Variants in CPT1B observed in about 807,000 individuals in gnomAD.
The protein encoded by CPT1B is carnitine O-palmitoyltransferase 1, muscle isoform.
A neutral mutation model predicts 92.7 loss-of-function variants in CPT1B; 57 were observed. The observed-to-expected ratio is 0.62, with a 90% confidence interval of 0.50 to 0.77. The LOEUF is 0.77. Among genes scored for constraint, CPT1B ranks in the 30% least tolerant of loss-of-function variants. CPT1B has a pLI of 0.00. For synonymous variants in CPT1B, 398 were observed against 383.5 expected (o/e 1.04, Z -0.44); for missense variants, 983 against 1,017.4 (o/e 0.97, Z 0.46).
rs1373616911 is a variant in CPT1B at position 50,576,575 on chromosome 22, G to C, written c.522C>G (p.Pro174=). ...CTGACACCCTGGGCACAGGAAGCTT[G>C]GGCAGAGATGTCTGGAAGCTGTAGA... ...PMLYSFQTSL[P]KLPVPRVSAT... is the part of the protein sequence containing the mutation. The change falls in exon 5 of 20, where the codon CCC becomes CCG. Residue 174 remains proline, a synonymous_variant. Coordinates refer to ENST00000312108, the MANE Select transcript of CPT1B (RefSeq NM_152246.3). The C allele has an allele frequency of 2.5e-6, 4 of 1,607,930 alleles. No individual in the cohort carries two copies. The East Asian group carries it at 6.7e-5, about 27-fold the overall frequency.
chr22:50,571,956 C>G, intron 13 of CPT1B, 50 bp downstream of exon 13: 1 of 1,544,358 alleles, frequency 6.5e-7, no homozygotes, highest in Non-Finnish European at 8.9e-7. Context: ...GGGGCTGTAC[C>G]CACCTGCTGC....
At position 50,572,049 on chromosome 22, in the gene CPT1B, G is replaced by A. The variant is rs368305362; in HGVS notation, c.1532C>T (p.Ala511Val). ...CTGCAGCCGTGTAGGAGGTGCGAGCGCAGGGTTCGGTTTGCCCAGGCAGTG... is the reference window on the plus strand; with the variant it reads ...CTGCAGCCGTGTAGGAGGTGCGAGCACAGGGTTCGGTTTGCCCAGGCAGTG... ...TGHCLGKPNP[A>V]LAPPTRLQWD... The change falls in exon 13 of 20, where the codon GCG becomes GTG. Residue 511 changes from alanine to valine, a missense_variant. Ala to Val is a moderately conservative substitution (Grantham distance 64, BLOSUM62 0). Coordinates refer to ENST00000312108, the MANE Select transcript of CPT1B (RefSeq NM_152246.3). The A allele has an allele frequency of 2.1e-5, 34 of 1,613,992 alleles. No individual in the cohort carries two copies. The highest frequency in any genetic ancestry group is 5.3e-5 in the African/African-American group (4 of 74,926).
intron 2 of CPT1B, 28 bp downstream of exon 2, chr22:50,577,747 A>G (rs2070523097): frequency 6.2e-7 from 1 of 1,606,374 alleles, no homozygotes; most frequent in African/African-American, 1.3e-5. Flanking sequence ...GCCTCTGCCT[A>G]CGCTCTGGGA....
chr22:50,573,602 T>G lies in CPT1B; in HGVS notation c.1084A>C (p.Met362Leu), dbSNP rs2070291330. Residue 362 changes from methionine to leucine, a missense_variant, in exon 10 of 20, where the codon ATG becomes CTG. Physicochemically the swap from Met to Leu is conservative, Grantham distance 15. Coordinates refer to ENST00000312108, the MANE Select transcript of CPT1B (RefSeq NM_152246.3). This position sits in a 1 kb window ranked among gnomAD's most constrained non-coding sequence, Gnocchi z 5.0. ...TCGTCCAGGATCCTCTGGAACTGCA[T>G]CTCCAGATCCTGAGGCTTGAGCAGA... is the stretch of plus-strand genomic sequence containing the variant. ...ARLLKPQDLEMQFQRILDDPS... is the reference protein window; with the variant it reads ...ARLLKPQDLELQFQRILDDPS... The G allele has an allele frequency of 1.2e-6, 2 of 1,613,464 alleles. No individual in the cohort carries two copies. The highest frequency in any genetic ancestry group is 1.7e-6 in the Non-Finnish European group (2 of 1,179,936).
In CPT1B at chr22:50,573,297, G is replaced by A. The variant is rs1052210863; in HGVS notation, c.1166+223C>T. ...GCCAGGCTGGGCCTGGAGGTGGGGG[G>A]TGCCAAGCTATTTTGGAGGGTGTCC... On this transcript the variant is annotated intron_variant, in intron 10 of 19. Coordinates refer to ENST00000312108, the MANE Select transcript of CPT1B (RefSeq NM_152246.3). The surrounding 1 kb of genome is among the most constrained non-coding windows in gnomAD (Gnocchi z 5.0). 3.3e-5 allele frequency among the ~76,000 whole-genome samples: 5 copies of A among 150,104 alleles called. No individual in the cohort carries two copies. Among genetic ancestry groups the A allele is most frequent in the Non-Finnish European group, 7.4e-5 (5 of 67,456 alleles).
chr22:50,574,201 C>CT, intron 9 of CPT1B, 134 bp downstream of exon 9: 1 of 735,326 alleles, frequency 1.4e-6, no homozygotes. Context: ...CAATGGATGT[C>CT]TAGTATCTGT....
intron 17 of CPT1B, among the ~76,000 whole-genome samples, chr22:50,570,069 G>A (rs143812314): frequency 9.2e-5 from 14 of 152,312 alleles, no homozygotes; most frequent in Non-Finnish European, 1.8e-4. Flanking sequence ...TCAGTACCCC[G>A]GAAACCACGG....
At position 50,576,538 on chromosome 22, in the gene CPT1B, G is replaced by C. The variant is rs780401114; in HGVS notation, c.559C>G (p.Arg187Gly). 1 of 1,600,708 alleles carries C rather than the reference G, an allele frequency of 6.2e-7. No homozygotes were observed. The highest frequency in any genetic ancestry group is 1.1e-5 in the South Asian group (1 of 89,572). The change falls in exon 5 of 20, where the codon CGG becomes GGG. Residue 187 changes from arginine to glycine, a missense_variant and splice_region_variant. Arg to Gly is a moderately radical substitution (Grantham distance 125). Coordinates refer to ENST00000312108, the MANE Select transcript of CPT1B (RefSeq NM_152246.3). ...GGATGCCCAAGCGAGGCCCTCACCCGCTGAATTGTGGCTGACACCCTGGGC... is the reference window on the plus strand; with the variant it reads ...GGATGCCCAAGCGAGGCCCTCACCCCCTGAATTGTGGCTGACACCCTGGGC... ...PVPRVSATIQRYLESVRPLLD... is the reference protein window; with the variant it reads ...PVPRVSATIQGYLESVRPLLD...
chr22:50,577,695 G>A, intron 2 of CPT1B, 80 bp downstream of exon 2: 31 of 1,564,372 alleles, frequency 2.0e-5, no homozygotes, highest in Non-Finnish European at 2.6e-5. Flanking sequence ...AGCCAAGGAG[G>A]CAGTGAGGGA....
In CPT1B at chr22:50,576,322, A is replaced by G; in HGVS notation, c.575T>C (p.Val192Ala). 1 of 1,614,062 alleles carries G rather than the reference A, an allele frequency of 6.2e-7. No homozygotes were observed. ...TTCCTCATCATCCAACAAGGGGCGC[A>G]CAGACTCTAGGTACTGTCCAGCCAG... Reference protein sequence around the residue: ...SATIQRYLESVRPLLDDEEYY... With the variant: ...SATIQRYLESARPLLDDEEYY... The change falls in exon 6 of 20, where the codon GTG (valine) becomes GCG (alanine). Residue 192 changes from valine to alanine, a missense_variant. By Grantham distance (64) the Val-to-Ala change is moderately conservative. Transcript: ENST00000312108.
intron 7 of CPT1B, among the ~76,000 whole-genome samples, chr22:50,575,795 A>G (rs1014269182): frequency 2.0e-5 from 3 of 152,188 alleles, no homozygotes; most frequent in African/African-American, 7.2e-5. Context: ...GGACTCTGAG[A>G]AGCGGTGGCA....
Position 50,577,407 on chromosome 22 carries a change from G to T in CPT1B, c.198C>A (p.Ile66=), listed in dbSNP as rs1253784922. 1 of 1,613,934 alleles carries T rather than the reference G, an allele frequency of 6.2e-7. No individual in the cohort carries two copies. The highest frequency in any genetic ancestry group is 8.5e-7 in the Non-Finnish European group (1 of 1,180,004). The change falls in exon 3 of 20, where the codon ATC becomes ATA. Residue 66 remains isoleucine, a synonymous_variant. Transcript: ENST00000312108. ...PGSPTSWLVV[I]MATVGSSFCN... ...AGAAGGAGGAACCCACTGTTGCCAT[G>T]ATGACGACCAGCCAGCTGGTGGGGC...
chr22:50,573,708 T>C lies in CPT1B; in HGVS notation c.978A>G (p.Leu326=), dbSNP rs1845810107. 1 of 1,612,138 alleles carries C rather than the reference T, an allele frequency of 6.2e-7. No individual in the cohort carries two copies. Among genetic ancestry groups the C allele is most frequent in the African/African-American group, 1.3e-5 (1 of 74,906 alleles). ...CGTGCCGGCTGTCTGAGAGGTGCTGTAGCACATCTGTGATACAGGCCACGG... is the reference window on the plus strand; with the variant it reads ...CGTGCCGGCTGTCTGAGAGGTGCTGCAGCACATCTGTGATACAGGCCACGG... ...TRIPGKDTDV[L]QHLSDSRHVA... Residue 326 remains leucine, a synonymous_variant, in exon 10 of 20, where the codon CTA becomes CTG. Transcript: ENST00000312108. This position sits in a 1 kb window ranked among gnomAD's most constrained non-coding sequence, Gnocchi z 5.0.
rs764152784 is a variant in CPT1B at position 50,571,413 on chromosome 22, C to T, written c.1702G>A (p.Ala568Thr). ...AGCTGCAGCGCGATCTGCACAAAGG[C>T]ATCAGGGCTGGTCCGGCACTTCTTG... Reference protein sequence around the residue: ...LIKKCRTSPDAFVQIALQLAH... With the variant: ...LIKKCRTSPDTFVQIALQLAH... Residue 568 changes from alanine (A) to threonine (T), a missense_variant, in exon 14 of 20, where the codon GCC becomes ACC. Coordinates refer to ENST00000312108, the MANE Select transcript of CPT1B (RefSeq NM_152246.3). The T allele has an allele frequency of 3.1e-6, 5 of 1,613,948 alleles. No homozygotes were observed. The highest frequency in any genetic ancestry group is 1.1e-5 in the South Asian group (1 of 91,086).
chr22:50,569,748 T>C (rs1334225669), intron 17 of CPT1B, 80 bp from the exon 18 acceptor site: 4 of 1,244,458 alleles, frequency 3.2e-6, no homozygotes, highest in Non-Finnish European at 4.7e-6. Context: ...GTACTTGTTC[T>C]TCCCACAAGA....
rs753426668 is a variant in CPT1B at position 50,576,516 on chromosome 22, T to G, written c.561+20A>C. 11 of 1,593,868 alleles carry G rather than the reference T, an allele frequency of 6.9e-6. No individual in the cohort carries two copies. The East Asian group carries it at 2.2e-4, about 33-fold the overall frequency. On this transcript the variant is annotated intron_variant, in intron 5 of 19. Coordinates refer to ENST00000312108, the MANE Select transcript of CPT1B (RefSeq NM_152246.3). ...ATCCAACCTCCCCTGCCCACTGGGA[T>G]GCCCAAGCGAGGCCCTCACCCGCTG...
At chr22:50,572,426 C>CA in intron 11 of CPT1B, 118 bp from the exon 12 acceptor site, 3 of 654,338 alleles carry the variant, frequency 4.6e-6, no homozygotes. Flanking sequence ...TTTTCTCTCA[C>CA]TTTTTTTTTA....
chr22:50,569,377 G>A lies in CPT1B; in HGVS notation c.2280C>T (p.Asp760=), dbSNP rs753114539. The change falls in exon 19 of 20, where the codon GAC becomes GAT. Residue 760 remains aspartate (D), a synonymous_variant. Coordinates refer to ENST00000312108, the MANE Select transcript of CPT1B (RefSeq NM_152246.3). ...TGGGAACTTGGAAAAGATCAGCAAT[G>A]TCCAGCAGGGCTTTGCGGATGTGGT... The part of the protein sequence containing the change: ...FGNHIRKALL[D]IADLFQVPKA... 9 of 1,614,196 alleles carry A rather than the reference G, an allele frequency of 5.6e-6. No individual in the cohort carries two copies. In the Admixed American group the frequency reaches 1.5e-4, roughly 27 times the overall value.
In CPT1B at chr22:50,571,203, G is replaced by C; in HGVS notation, c.1830C>G (p.Ser610Arg). ...GRTETVRSCT[S>R]ESTAFVQAMM... ...TGGCCTGCACAAAGGCTGTGGACTCGCTGGTACAGGAACGCACAGTCTCAG... is the reference window on the plus strand; with the variant it reads ...TGGCCTGCACAAAGGCTGTGGACTCCCTGGTACAGGAACGCACAGTCTCAG... Residue 610 changes from serine to arginine, a missense_variant, in exon 15 of 20, where the codon AGC becomes AGG. Physicochemically the swap from Ser to Arg is moderately radical, Grantham distance 110 (BLOSUM62 -1). Coordinates refer to ENST00000312108, the MANE Select transcript of CPT1B (RefSeq NM_152246.3). 6.2e-7 allele frequency: 1 copy of C among 1,614,132 alleles called. No individual in the cohort carries two copies. Among genetic ancestry groups the C allele is most frequent in the South Asian group, 1.1e-5 (1 of 91,078 alleles).
Sources: gnomAD v4.1 joint callset for allele counts (sites outside exome capture counted in the v4.1 genomes callset) on GRCh38, gnomAD v4.1.1 for gene constraint, Gnocchi (gnomAD v3.1) non-coding constraint, MANE v1.5 for transcripts, NCBI Gene and HGNC (gene_info 2026-07-23, HGNC 2026-07-21) for gene names.